BMP6: variants seen among roughly 807,000 people sequenced by gnomAD.
BMP6 encodes VG-1-R.
In BMP6, 17 loss-of-function variants were observed where a neutral mutation model predicts 54.1. The ratio of observed to expected loss-of-function variants is 0.31; its 90% confidence interval spans 0.22 to 0.47. The LOEUF is 0.47. Ranked by LOEUF, BMP6 falls within the 20% of genes least tolerant of loss-of-function variation. The pLI, the probability that BMP6 is intolerant of heterozygous loss-of-function variation, is 1.00. For synonymous variants in BMP6, 328 were observed against 291.2 expected (o/e 1.13, Z -1.28); for missense variants, 720 against 690.4 (o/e 1.04, Z -0.48).
chr6:7,764,189 G>C (rs1470769858), intron 1 of BMP6, among the ~76,000 whole-genome samples: 1 of 152,204 alleles, frequency 6.6e-6, no homozygotes, highest in Non-Finnish European at 1.5e-5. Flanking sequence ...GGAGCATGGA[G>C]AATGATGAGT....
At chr6:7,795,845 C>T (rs1444649716) in intron 1 of BMP6, among the ~76,000 whole-genome samples, 1 of 152,114 alleles carries the variant, frequency 6.6e-6, no homozygotes, top group Admixed American at 6.5e-5. Flanking sequence ...GACTCCTGGG[C>T]ACCCATCTTG....
intron 1 of BMP6, among the ~76,000 whole-genome samples, chr6:7,776,653 T>G (rs1757864112): frequency 6.6e-6 from 1 of 152,234 alleles, no homozygotes; most frequent in Admixed American, 6.5e-5. Flanking sequence ...GTACGAATAC[T>G]TGTGTTTGTG....
intron 1 of BMP6, among the ~76,000 whole-genome samples, chr6:7,747,225 G>A (rs1408120159): frequency 6.6e-6 from 1 of 152,234 alleles, no homozygotes; most frequent in Non-Finnish European, 1.5e-5. Flanking sequence ...TCGCCTCCTG[G>A]TGTTACATCT....
chr6:7,746,204 G>A (rs1489683782), intron 1 of BMP6, among the ~76,000 whole-genome samples: 1 of 152,200 alleles, frequency 6.6e-6, no homozygotes, highest in Non-Finnish European at 1.5e-5. Flanking sequence ...TACTGGTGCT[G>A]GCACAGTACT....
intron 1 of BMP6, among the ~76,000 whole-genome samples, chr6:7,780,703 T>TTCATTG (rs1554120459): frequency 3.8e-5 from 4 of 106,356 alleles, no homozygotes; most frequent in Non-Finnish European, 8.7e-5. Flanking sequence ...CTATTTTTAT[T>TTCATTG]TTATTGTTAT....
chr6:7,839,034 G>C, intron 1 of BMP6, among the ~76,000 whole-genome samples: 1 of 151,902 alleles, frequency 6.6e-6, no homozygotes, highest in Non-Finnish European at 1.5e-5. Flanking sequence ...TTCTATGCCT[G>C]GTTTGCTAGT....
At chr6:7,879,051 C>A in intron 4 of BMP6, 23 bp from the exon 5 acceptor site, 2 of 1,603,090 alleles carry the variant, frequency 1.2e-6, no homozygotes, top group Non-Finnish European at 1.7e-6. Context: ...TTGATGGGTG[C>A]ATCTTTTGAT....
intron 1 of BMP6, among the ~76,000 whole-genome samples, chr6:7,732,068 G>A (rs1761869537): frequency 6.6e-6 from 1 of 152,106 alleles, no homozygotes; most frequent in African/African-American, 2.4e-5. Flanking sequence ...AAGAAAAATG[G>A]AATACTCCCT....
chr6:7,855,295 T>G (rs1039961040), intron 2 of BMP6, among the ~76,000 whole-genome samples: 3 of 152,176 alleles, frequency 2.0e-5, no homozygotes, highest in Non-Finnish European at 4.4e-5. Context: ...AGCATCAGCA[T>G]CACGTGGGAA....
chr6:7,813,877 G>A (rs1328002678), intron 1 of BMP6, among the ~76,000 whole-genome samples: 1 of 152,024 alleles, frequency 6.6e-6, no homozygotes, highest in Non-Finnish European at 1.5e-5. Flanking sequence ...TTTCCTCTAC[G>A]GAGGGAAAGC....
intron 1 of BMP6, among the ~76,000 whole-genome samples, chr6:7,765,170 T>TA (rs1399770471): frequency 6.6e-6 from 1 of 152,226 alleles, no homozygotes; most frequent in African/African-American, 2.4e-5. Context: ...GATTGGTTGA[T>TA]ACTTCTGCCT....
chr6:7,865,276 C>A (rs1160596220), intron 4 of BMP6, among the ~76,000 whole-genome samples: 1 of 152,040 alleles, frequency 6.6e-6, no homozygotes, highest in African/African-American at 2.4e-5. Context: ...TGGTCTCCCC[C>A]CGCCCACCTC....
At chr6:7,777,062 G>T (rs1247062594) in intron 1 of BMP6, among the ~76,000 whole-genome samples, 1 of 152,224 alleles carries the variant, frequency 6.6e-6, no homozygotes, top group African/African-American at 2.4e-5. Context: ...GCTGAGAATG[G>T]CTCCTAAGCC....
intron 1 of BMP6, among the ~76,000 whole-genome samples, chr6:7,828,551 C>G (rs1033324886): frequency 6.6e-6 from 1 of 152,222 alleles, no homozygotes; most frequent in Admixed American, 6.5e-5. Flanking sequence ...GTGTCTGTCC[C>G]TTGCTGCTTC....
intron 1 of BMP6, among the ~76,000 whole-genome samples, chr6:7,758,313 A>T (rs1215737058): frequency 6.6e-6 from 1 of 152,232 alleles, no homozygotes; most frequent in African/African-American, 2.4e-5. Flanking sequence ...CCAGCTATCC[A>T]GGCAAGGAGC....
chr6:7,756,481 C>CT (rs1354856784), intron 1 of BMP6, among the ~76,000 whole-genome samples: 5 of 152,138 alleles, frequency 3.3e-5, no homozygotes, highest in African/African-American at 1.2e-4. Context: ...ATTTCTGAGT[C>CT]TGTTTTTATG....
Position 7,727,640 on chromosome 6 carries a change from A to G in BMP6, c.664+21A>G, listed in dbSNP as rs1761765969. 4.0e-6 allele frequency: 6 copies of G among 1,512,678 alleles called. No homozygotes were observed. The South Asian group carries it at 7.7e-5, about 19-fold the overall frequency. 93.7% of individuals were successfully genotyped at this position (1,512,678 alleles called of 1,614,324 possible). A position where few individuals can be genotyped will look rare whatever the true frequency, so the allele number is the denominator to read the frequency against. ...CCTGGGTAAGGATTTGGGGTAACGT[A>G]ATGACGAGAACATTTCCCCCTTTTC... On this transcript the variant is annotated intron_variant, in intron 1 of 6. Coordinates refer to ENST00000283147, the MANE Select transcript of BMP6 (RefSeq NM_001718.6).
intron 1 of BMP6, among the ~76,000 whole-genome samples, chr6:7,790,017 G>A (rs986075647): frequency 1.2e-4 from 18 of 152,160 alleles, no homozygotes; most frequent in African/African-American, 4.3e-4. Flanking sequence ...AAAGACCTGG[G>A]CCTGCTCTGT....
rs1759460584 is a variant in BMP6 at position 7,868,307 on chromosome 6, G to A, written c.1204+5809G>A. Among the ~76,000 whole-genome samples the A allele has an allele frequency of 3.9e-5, 6 of 152,260 alleles. 2 individuals carry two copies. In the South Asian group the frequency reaches 1.2e-3, roughly 31 times the overall value. On this transcript the variant is annotated intron_variant, in intron 4 of 6. Coordinates refer to ENST00000283147, the MANE Select transcript of BMP6 (RefSeq NM_001718.6). ...ACAAAATCTAGACTCTGATCAAACT[G>A]TCCACCCCCACCCCAGCCCTATCAA...
Sources: gnomAD v4.1 joint callset for allele counts (sites outside exome capture counted in the v4.1 genomes callset) on GRCh38, gnomAD v4.1.1 for gene constraint, MANE v1.5 for transcripts, NCBI Gene and HGNC (gene_info 2026-07-23, HGNC 2026-07-21) for gene names.